Variants in NKAIN2 observed in about 807,000 individuals in gnomAD.
The protein encoded by NKAIN2 is sodium/potassium transporting ATPase interacting 2, also known as sodium/potassium-transporting ATPase subunit beta-1-interacting protein 2.
A neutral mutation model predicts 32.6 loss-of-function variants in NKAIN2; 14 were observed. The observed-to-expected ratio is 0.43, with a 90% CI of 0.28 to 0.67. The LOEUF (loss-of-function observed/expected upper bound fraction) is 0.67. NKAIN2 is among the 30% of genes least tolerant of loss of function. NKAIN2 has a pLI of 0.17. For synonymous variants in NKAIN2, 80 were observed against 87.2 expected, an observed-to-expected ratio of 0.92 and a Z score of 0.46; for missense variants, 198 against 258.3, an observed-to-expected ratio of 0.77 and a Z score of 1.60.
At chr6:124,343,991 CTTAAA>C (rs2115095010) in intron 2 of NKAIN2, among the ~76,000 whole-genome samples, 1 of 152,010 alleles carries the variant, frequency 6.6e-6, no homozygotes, top group East Asian at 1.9e-4. Context: ...TTTAATCCAT[CTTAAA>C]TTAATTTTTG....
intron 1 of NKAIN2, among the ~76,000 whole-genome samples, chr6:124,015,518 A>G (rs1780526018): frequency 1.3e-5 from 2 of 152,190 alleles, no homozygotes; most frequent in African/African-American, 4.8e-5. Flanking sequence ...TTCATGCTTG[A>G]AAGTATTTTA....
At chr6:124,299,157 C>T (rs552194137) in intron 2 of NKAIN2, among the ~76,000 whole-genome samples, 1 of 151,998 alleles carries the variant, frequency 6.6e-6, no homozygotes. Context: ...TTCTGAAGGA[C>T]AAGAAGAGAA....
chr6:124,557,189 TA>T (rs1780507357), intron 3 of NKAIN2, among the ~76,000 whole-genome samples: 1 of 152,200 alleles, frequency 6.6e-6, no homozygotes, highest in Non-Finnish European at 1.5e-5. Context: ...AGATTGTTTC[TA>T]AAAAATAACG....
At chr6:124,073,625 AAAGTC>A (rs1783558120) in intron 1 of NKAIN2, among the ~76,000 whole-genome samples, 1 of 152,134 alleles carries the variant, frequency 6.6e-6, no homozygotes, top group Non-Finnish European at 1.5e-5. Flanking sequence ...TTTTAAAGTT[AAAGTC>A]ATTAATATTA....
chr6:124,342,508 G>A (rs1459796558), intron 2 of NKAIN2, among the ~76,000 whole-genome samples: 2 of 149,940 alleles, frequency 1.3e-5, no homozygotes, highest in East Asian at 3.9e-4. Context: ...TTTTTTTGTT[G>A]TTTTTTCTTT....
intron 1 of NKAIN2, among the ~76,000 whole-genome samples, chr6:124,180,988 C>G (rs912595436): frequency 6.6e-6 from 1 of 152,174 alleles, no homozygotes; most frequent in African/African-American, 2.4e-5. Flanking sequence ...TCTACACTGC[C>G]CTAGCAGAGG....
At chr6:123,866,461 C>CG (rs1193168397) in intron 1 of NKAIN2, among the ~76,000 whole-genome samples, 22 of 151,988 alleles carry the variant, frequency 1.4e-4, no homozygotes, top group African/African-American at 5.1e-4. Context: ...GACGGAGTCT[C>CG]GCTCTGTCGT....
chr6:124,505,338 TCTC>T (rs1778434673), intron 3 of NKAIN2, among the ~76,000 whole-genome samples: 1 of 152,198 alleles, frequency 6.6e-6, no homozygotes, highest in Non-Finnish European at 1.5e-5. Context: ...CCCTCTTCAA[TCTC>T]GAGAGCTCTG....
chr6:124,749,925 C>T (rs1338861242), intron 4 of NKAIN2, among the ~76,000 whole-genome samples: 1 of 151,664 alleles, frequency 6.6e-6, no homozygotes, highest in Non-Finnish European at 1.5e-5. Context: ...CTTATCTTTG[C>T]ACATGCTCTT....
intron 3 of NKAIN2, among the ~76,000 whole-genome samples, chr6:124,415,878 C>CTTTTTTTTTTTTTTTTT: frequency 3.2e-4 from 23 of 72,600 alleles, no homozygotes; most frequent in Middle Eastern, 0.014. Flanking sequence ...TTTTTATTTG[C>CTTTTTTTTTTTTTTTTT]TTTTTTTTTT....
At chr6:124,726,279 C>G (rs572470668) in intron 4 of NKAIN2, among the ~76,000 whole-genome samples, 1 of 152,132 alleles carries the variant, frequency 6.6e-6, no homozygotes, top group African/African-American at 2.4e-5. Flanking sequence ...AAAAAGACAG[C>G]AGTAACCTCT....
intron 1 of NKAIN2, among the ~76,000 whole-genome samples, chr6:124,075,004 G>A (rs1378218313): frequency 1.3e-5 from 2 of 152,116 alleles, no homozygotes; most frequent in Non-Finnish European, 2.9e-5. Flanking sequence ...AATAATGAAG[G>A]ATGAACGTAC....
At chr6:124,413,359 C>T (rs1367156394) in intron 3 of NKAIN2, among the ~76,000 whole-genome samples, 2 of 152,166 alleles carry the variant, frequency 1.3e-5, no homozygotes, top group Non-Finnish European at 2.9e-5. Context: ...TTTCTTCACT[C>T]CTCTGTGCCT....
chr6:124,115,144 G>A (rs906032101), intron 1 of NKAIN2, among the ~76,000 whole-genome samples: 1 of 152,072 alleles, frequency 6.6e-6, no homozygotes, highest in Non-Finnish European at 1.5e-5. Flanking sequence ...ATGCATCAGG[G>A]AAATAATTAT....
intron 5 of NKAIN2, among the ~76,000 whole-genome samples, chr6:124,817,115 G>A (rs796574372): frequency 4.6e-5 from 7 of 152,200 alleles, no homozygotes; most frequent in African/African-American, 1.7e-4. Flanking sequence ...CAACAGTGAG[G>A]GTCTAGAATC....
At chr6:124,329,453 T>TC (rs1797561333) in intron 2 of NKAIN2, among the ~76,000 whole-genome samples, 2 of 152,256 alleles carry the variant, frequency 1.3e-5, no homozygotes, top group South Asian at 2.1e-4. Flanking sequence ...CTGGCTTTAT[T>TC]CCCTAATGGA....
chr6:123,805,608 T>G (rs1773182165), intron 1 of NKAIN2, among the ~76,000 whole-genome samples: 1 of 152,212 alleles, frequency 6.6e-6, no homozygotes, highest in Non-Finnish European at 1.5e-5. Flanking sequence ...GTAAACCAGT[T>G]TATTTTTCTG....
At chr6:124,181,765 C>T (rs1411934071) in intron 1 of NKAIN2, among the ~76,000 whole-genome samples, 1 of 152,162 alleles carries the variant, frequency 6.6e-6, no homozygotes, top group African/African-American at 2.4e-5. Flanking sequence ...TCTGAGACCA[C>T]CTCAGCCTGG....
At chr6:124,362,076 G>A (rs1397240309) in intron 3 of NKAIN2, among the ~76,000 whole-genome samples, 1 of 151,808 alleles carries the variant, frequency 6.6e-6, no homozygotes, top group Non-Finnish European at 1.5e-5. Flanking sequence ...AAAAATATAT[G>A]AGCAATTACT....
Sources: gnomAD v4.1 joint callset for allele counts (sites outside exome capture counted in the v4.1 genomes callset) on GRCh38, gnomAD v4.1.1 for gene constraint, MANE v1.5 for transcripts, NCBI Gene and HGNC (gene_info 2026-07-23, HGNC 2026-07-21) for gene names.